The following TNS1 variants were observed in gnomAD, a reference collection of about 807,000 sequenced individuals.
TNS1 encodes tensin-1.
In TNS1, 62 loss-of-function variants were observed where a neutral mutation model predicts 168.6. The observed-to-expected ratio is 0.37, with a 90% confidence interval of 0.30 to 0.45. TNS1 has a LOEUF of 0.45. TNS1 is among the 20% of genes least tolerant of loss of function. The probability of loss-of-function intolerance (pLI) is 1.00; values close to 1 mark genes in which losing one functional copy is unlikely to be tolerated. For missense variants in TNS1, 2,240 were observed against 2,339.4 expected (o/e 0.96, Z 0.88); for synonymous variants, 934 against 933.2 (o/e 1.00, Z -0.02).
At chr2:217,951,355 C>T (rs744753) in intron 3 of TNS1, among the ~76,000 whole-genome samples, 27,953 of 152,168 alleles carry the variant, frequency 0.18, 4,739 homozygotes, top group African/African-American at 0.45. Context: ...ATCTCCCTGC[C>T]TAATAATGCT....
intron 4 of TNS1, among the ~76,000 whole-genome samples, chr2:217,916,961 A>G (rs1955079154): frequency 6.6e-6 from 1 of 152,226 alleles, no homozygotes; most frequent in Non-Finnish European, 1.5e-5. Context: ...AGGGCAGGCA[A>G]CAAATGGAAA....
chr2:217,959,368 C>T (rs1957439764), intron 3 of TNS1, among the ~76,000 whole-genome samples: 1 of 151,660 alleles, frequency 6.6e-6, no homozygotes, highest in African/African-American at 2.4e-5. Flanking sequence ...TAGCATGGAA[C>T]CTGGTATCTT....
intron 3 of TNS1, among the ~76,000 whole-genome samples, chr2:217,940,441 C>G (rs1411391883): frequency 6.6e-6 from 1 of 152,180 alleles, no homozygotes; most frequent in African/African-American, 2.4e-5. Flanking sequence ...CTTTGCCTGT[C>G]CCCCTCGCTC....
intron 5 of TNS1, among the ~76,000 whole-genome samples, 175 bp downstream of exon 5, chr2:217,907,035 T>C (rs1435224176): frequency 6.7e-6 from 1 of 150,102 alleles, no homozygotes; most frequent in Non-Finnish European, 1.5e-5. Flanking sequence ...TCAGATGCCC[T>C]TCTCCCAGAG....
At chr2:218,003,032 C>CCCTCCT, upstream of TNS1, 1 of 414,726 alleles carries the variant, frequency 2.4e-6, no homozygotes, top group Non-Finnish European at 4.9e-6. Context: ...AGCTCACCCT[C>CCCTCCT]CCTCCTCCTC....
intron 18 of TNS1, among the ~76,000 whole-genome samples, chr2:217,872,325 G>A (rs1317438657): frequency 6.6e-6 from 1 of 152,176 alleles, no homozygotes; most frequent in Non-Finnish European, 1.5e-5. Flanking sequence ...GGGACCTGTT[G>A]CCAGAATATA....
chr2:217,841,738 C>T (rs1044493402), intron 19 of TNS1, among the ~76,000 whole-genome samples: 3 of 152,104 alleles, frequency 2.0e-5, no homozygotes, highest in African/African-American at 7.2e-5. Flanking sequence ...TGGGCACCTG[C>T]CTCTCCCTGG....
chr2:217,982,462 G>A (rs1958080290), intron 2 of TNS1, among the ~76,000 whole-genome samples: 2 of 149,558 alleles, frequency 1.3e-5, no homozygotes, highest in African/African-American at 5.0e-5. Flanking sequence ...GGAGTGCAGT[G>A]GCACAATCTC....
At chr2:217,959,642 GGT>G (rs1957448297) in intron 3 of TNS1, among the ~76,000 whole-genome samples, 1 of 152,154 alleles carries the variant, frequency 6.6e-6, no homozygotes, top group Non-Finnish European at 1.5e-5. Context: ...CATGAAGACT[GGT>G]GTCTAATTGC....
At chr2:217,923,416 T>C (rs1955839369) in intron 3 of TNS1, among the ~76,000 whole-genome samples, 1 of 152,262 alleles carries the variant, frequency 6.6e-6, no homozygotes, top group Admixed American at 6.5e-5. Context: ...CTCAGCAGTT[T>C]GCATTAATTA....
In TNS1 at chr2:217,810,021, TG is replaced by T; in HGVS notation, c.5105-31del. The T allele has an allele frequency of 1.9e-6, 3 of 1,606,698 alleles. No homozygotes were observed. In the South Asian group the frequency reaches 3.3e-5, roughly 18 times the overall value. Reference sequence around the variant, plus strand: ...AAGAAACCAACCCAAGGGGGAGTCATGGGAGCTGGCGTGGGTGAGGACATTA... The same window carrying T: ...AAGAAACCAACCCAAGGGGGAGTCATGGAGCTGGCGTGGGTGAGGACATTA... On this transcript the variant is annotated intron_variant, in intron 29 of 32. Coordinates refer to ENST00000682258, the MANE Select transcript of TNS1 (RefSeq NM_001387777.1).
At chr2:217,874,023 A>AACACACACACACAC (rs3838561) in intron 18 of TNS1, among the ~76,000 whole-genome samples, 1 of 111,478 alleles carries the variant, frequency 9.0e-6, no homozygotes, top group African/African-American at 3.6e-5. Context: ...CCCCCCAACC[A>AACACACACACACAC]ACACACACAC....
At chr2:217,814,026 G>A (rs7562261) in intron 25 of TNS1, 20,871 of 444,432 alleles carry the variant, frequency 0.047, 1,081 homozygotes, top group Admixed American at 0.17. Flanking sequence ...TTGTGAGACC[G>A]GGCCTCACTC....
At chr2:218,023,323 G>T (rs1375787558) in intron 1 of TNS1, among the ~76,000 whole-genome samples, 31 of 152,102 alleles carry the variant, frequency 2.0e-4, no homozygotes. Context: ...CACCTTCCTG[G>T]GCCTCAACTT....
chr2:217,936,611 T>C (rs774146525), intron 3 of TNS1, among the ~76,000 whole-genome samples: 10 of 152,112 alleles, frequency 6.6e-5, no homozygotes, highest in Non-Finnish European at 1.2e-4. Context: ...AGTACAGCCG[T>C]CACAGTGGCC....
At chr2:217,864,456 T>C (rs769801531) in intron 18 of TNS1, among the ~76,000 whole-genome samples, 3 of 152,176 alleles carry the variant, frequency 2.0e-5, no homozygotes, top group Non-Finnish European at 4.4e-5. Flanking sequence ...TTGCTCAGGA[T>C]TACATTGCCA....
chr2:217,914,969 C>A (rs1265349602), intron 4 of TNS1, among the ~76,000 whole-genome samples: 1 of 152,214 alleles, frequency 6.6e-6, no homozygotes, highest in Non-Finnish European at 1.5e-5. Flanking sequence ...TCTCTCTAGG[C>A]TAAGCGGCCC....
intron 1 of TNS1, among the ~76,000 whole-genome samples, chr2:218,030,547 CA>C (rs1409258732): frequency 3.3e-5 from 5 of 152,216 alleles, no homozygotes; most frequent in Non-Finnish European, 7.3e-5. Context: ...AGCAGATGCT[CA>C]AAAATGCTTG....
At chr2:217,915,988 C>G (rs528882366) in intron 4 of TNS1, among the ~76,000 whole-genome samples, 15 of 152,306 alleles carry the variant, frequency 9.8e-5, no homozygotes, top group Admixed American at 3.3e-4. Flanking sequence ...GCCAGACCAC[C>G]GTGTCAGAAT....
Sources: allele counts gnomAD v4.1 joint callset (sites outside exome capture counted in the v4.1 genomes callset), GRCh38; gene constraint gnomAD v4.1.1; transcripts MANE v1.5; gene names NCBI Gene and HGNC (gene_info 2026-07-23, HGNC 2026-07-21).